PCDHAC2: variants seen among roughly 807,000 people sequenced by gnomAD.
PCDHAC2 encodes the protein protocadherin alpha subfamily C, 2, also known as protocadherin alpha-C2.
Under a neutral mutation model 63.3 loss-of-function variants are expected in PCDHAC2, and 24 were observed. The observed-to-expected ratio is 0.38, with a 90% confidence interval of 0.27 to 0.53. The LOEUF (loss-of-function observed/expected upper bound fraction) is 0.53. PCDHAC2 is among the 20% of genes least tolerant of loss of function. PCDHAC2 has a pLI of 0.81. For missense variants in PCDHAC2, 1,181 were observed against 1,275.2 expected, an observed-to-expected ratio of 0.93 and a Z score of 1.12; for synonymous variants, 569 against 529.4, an observed-to-expected ratio of 1.07 and a Z score of -1.03.
chr5:140,966,862 G>C lies in PCDHAC2; in HGVS notation c.96G>C (p.Leu32Phe), dbSNP rs782810195. Residue 32 changes from leucine (L) to phenylalanine (F), a missense_variant, in exon 1 of 4, where the codon TTG becomes TTC. Leu to Phe is a conservative substitution (Grantham distance 22). This residue lies in a region of PCDHAC2 where 210 missense variants were observed against 184.9 expected (regional missense o/e 1.14). Transcript: ENST00000289269. ...WLLLLPLLLL[L>F]LLLLPGPAAS... ...TGCTACTGCCTCTCCTGCTGCTGTTGCTGCTGCTGCTACCTGGCCCTGCGG... is the reference window on the plus strand; with the variant it reads ...TGCTACTGCCTCTCCTGCTGCTGTTCCTGCTGCTGCTACCTGGCCCTGCGG... The C allele has an allele frequency of 1.2e-5, 18 of 1,562,198 alleles. No individual in the cohort carries two copies. Among genetic ancestry groups the C allele is most frequent in the Non-Finnish European group, 1.5e-5 (18 of 1,164,444 alleles).
chr5:140,999,975 A>G (rs952038024), intron 3 of PCDHAC2, among the ~76,000 whole-genome samples: 3 of 152,078 alleles, frequency 2.0e-5, no homozygotes, highest in African/African-American at 7.2e-5. Context: ...TAGCAGCTCT[A>G]GCGGCCTCTG....
intron 3 of PCDHAC2, among the ~76,000 whole-genome samples, chr5:140,999,132 T>TC (rs2153955890): frequency 6.6e-6 from 1 of 152,278 alleles, no homozygotes; most frequent in African/African-American, 2.4e-5. Context: ...CTGGAAAATG[T>TC]CACAGCCGGA....
chr5:141,002,879 A>G (rs2098100373), intron 3 of PCDHAC2, among the ~76,000 whole-genome samples: 1 of 152,228 alleles, frequency 6.6e-6, no homozygotes, highest in Non-Finnish European at 1.5e-5. Flanking sequence ...TCAAGAACAG[A>G]AAGAGAACAA....
intron 1 of PCDHAC2, among the ~76,000 whole-genome samples, chr5:140,972,920 C>T (rs1343772789): frequency 6.6e-6 from 1 of 152,048 alleles, no homozygotes; most frequent in East Asian, 1.9e-4. Context: ...CCTTGGCCTC[C>T]CAAAGTGCTG....
chr5:140,977,247 A>G (rs528974727), intron 1 of PCDHAC2, among the ~76,000 whole-genome samples: 1 of 152,336 alleles, frequency 6.6e-6, no homozygotes, highest in African/African-American at 2.4e-5. Context: ...AATTGGCAAC[A>G]TTTCTCAGCA....
chr5:140,968,025 C>T lies in PCDHAC2; in HGVS notation c.1259C>T (p.Thr420Ile), dbSNP rs782679458. ...FRLNGFGNSY[T>I]LVVSGPLDRE... ...CTGAATGGCTTTGGAAACTCCTATA[C>T]ACTGGTGGTGAGCGGCCCACTGGAC... Residue 420 changes from threonine (T) to isoleucine (I), a missense_variant, in exon 1 of 4, where the codon ACA becomes ATA. Physicochemically the swap from Thr to Ile is moderately conservative, Grantham distance 89. Around this residue, in one of 3 missense-constraint regions of PCDHAC2, gnomAD observed 968 missense variants for 1,073.5 expected, o/e 0.90. Coordinates refer to ENST00000289269, the MANE Select transcript of PCDHAC2 (RefSeq NM_018899.6). 4.3e-6 allele frequency: 7 copies of T among 1,614,200 alleles called. No individual in the cohort carries two copies. In the South Asian group the frequency reaches 6.6e-5, roughly 15 times the overall value.
At chr5:140,973,665 T>G (rs1309458037) in intron 1 of PCDHAC2, among the ~76,000 whole-genome samples, 1 of 152,248 alleles carries the variant, frequency 6.6e-6, no homozygotes, top group African/African-American at 2.4e-5. Context: ...CTATTTATTG[T>G]AGCTTGAATG....
intron 1 of PCDHAC2, among the ~76,000 whole-genome samples, chr5:140,975,269 T>A (rs1348655604): frequency 1.3e-5 from 2 of 152,252 alleles, no homozygotes; most frequent in African/African-American, 4.8e-5. Context: ...CTGATTTCTG[T>A]CTCTGACCTC....
intron 3 of PCDHAC2, among the ~76,000 whole-genome samples, chr5:140,985,840 T>C (rs1441638586): frequency 2.0e-5 from 3 of 149,512 alleles, no homozygotes; most frequent in African/African-American, 7.4e-5. Flanking sequence ...CCCGGGTTCA[T>C]GCCACTCTCC....
intron 1 of PCDHAC2, among the ~76,000 whole-genome samples, chr5:140,978,211 A>T (rs185344384): frequency 1.3e-5 from 2 of 152,340 alleles, no homozygotes; most frequent in African/African-American, 4.8e-5. Flanking sequence ...AACTAATGCA[A>T]AATGTATCAG....
At chr5:140,998,055 T>C (rs2097794971) in intron 3 of PCDHAC2, among the ~76,000 whole-genome samples, 1 of 152,190 alleles carries the variant, frequency 6.6e-6, no homozygotes, top group Non-Finnish European at 1.5e-5. Flanking sequence ...AGTGACATCA[T>C]CATCAACAGA....
Position 140,968,052 on chromosome 5 carries a change from G to A in PCDHAC2, c.1286G>A (p.Arg429Gln), listed in dbSNP as rs990784546. ...CTGGTGGTGAGCGGCCCACTGGACC[G>A]AGAGCGGGTGGCTGTCTACAACATC... ...YTLVVSGPLD[R>Q]ERVAVYNITV... Residue 429 changes from arginine (R) to glutamine (Q), a missense_variant, in exon 1 of 4, where the codon CGA (arginine) becomes CAA (glutamine). Physicochemically the swap from Arg to Gln is conservative, Grantham distance 43. Around this residue, in one of 3 missense-constraint regions of PCDHAC2, gnomAD observed 968 missense variants for 1,073.5 expected, o/e 0.90. Transcript: ENST00000289269. The A allele has an allele frequency of 5.0e-6, 8 of 1,614,014 alleles. No homozygotes were observed. In the Admixed American group the frequency reaches 5.0e-5, roughly 10 times the overall value.
At chr5:140,985,075 C>G (rs1477852280) in intron 3 of PCDHAC2, among the ~76,000 whole-genome samples, 2 of 151,968 alleles carry the variant, frequency 1.3e-5, no homozygotes, top group Non-Finnish European at 2.9e-5. Context: ...GTAGCTGAGA[C>G]TACAGGCGTG....
Position 140,978,953 on chromosome 5 carries a change from G to A in PCDHAC2, c.2570G>A (p.Arg857Gln), listed in dbSNP as rs781913955. The A allele has an allele frequency of 1.4e-5, 23 of 1,613,930 alleles. No homozygotes were observed. In the South Asian group the frequency reaches 2.0e-4, roughly 14 times the overall value. Residue 857 changes from arginine to glutamine, a missense_variant, in exon 2 of 4, where the codon CGA becomes CAA. Arg to Gln is a conservative substitution (Grantham distance 43, BLOSUM62 1). Around this residue, in one of 3 missense-constraint regions of PCDHAC2, gnomAD observed 968 missense variants for 1,073.5 expected, o/e 0.90. Transcript: ENST00000289269. ...KNEAVSQNEP[R>Q]QPNPDWRYSA... ...ACTCTCTTTGTGATTTTGCAGCCAC[G>A]ACAGCCCAACCCTGACTGGCGTTAC...
chr5:140,995,206 G>A (rs1179914547), intron 3 of PCDHAC2, among the ~76,000 whole-genome samples: 2 of 151,988 alleles, frequency 1.3e-5, no homozygotes, highest in African/African-American at 2.4e-5. Context: ...TATAAATTAG[G>A]CACAATACTC....
chr5:140,971,452 T>G (rs1554233345), intron 1 of PCDHAC2, among the ~76,000 whole-genome samples: 1 of 152,088 alleles, frequency 6.6e-6, no homozygotes, highest in Admixed American at 6.5e-5. Context: ...CTCCAGAAAT[T>G]TTTGCAGTTA....
intron 1 of PCDHAC2, among the ~76,000 whole-genome samples, chr5:140,977,672 A>G (rs1404527905): frequency 6.6e-6 from 1 of 152,202 alleles, no homozygotes; most frequent in East Asian, 1.9e-4. Flanking sequence ...TGCATGCCAA[A>G]TATCATGTAG....
chr5:140,982,331 G>A lies in PCDHAC2; in HGVS notation c.2625-144G>A, dbSNP rs1422921231. On this transcript the variant is annotated intron_variant, in intron 2 of 3. Coordinates refer to ENST00000289269, the MANE Select transcript of PCDHAC2 (RefSeq NM_018899.6). ...GCAGTTTATGCAGGGTGACTGCTCA[G>A]CAGTAATTGCTTCAGTTCAAGCATG... The A allele has an allele frequency of 6.3e-6, 9 of 1,431,750 alleles. No individual in the cohort carries two copies. In the Admixed American group the frequency reaches 1.6e-4, roughly 26 times the overall value. 88.7% of individuals were successfully genotyped at this position (1,431,750 alleles called of 1,614,324 possible).
At chr5:140,991,447 C>T (rs1554252191) in intron 3 of PCDHAC2, among the ~76,000 whole-genome samples, 1 of 152,162 alleles carries the variant, frequency 6.6e-6, no homozygotes, top group African/African-American at 2.4e-5. Context: ...TGGCTTAAAA[C>T]AACACAATGT....
Sources: gnomAD v4.1 joint callset for allele counts (sites outside exome capture counted in the v4.1 genomes callset) on GRCh38, gnomAD v4.1.1 for gene constraint, gnomAD v4.1.1 regional missense constraint, MANE v1.5 for transcripts, NCBI Gene and HGNC (gene_info 2026-07-23, HGNC 2026-07-21) for gene names.